TPRG1: variants seen among roughly 807,000 people sequenced by gnomAD.
TPRG1 encodes the protein tumor protein p63 regulated 1.
TPRG1 carries 29 observed loss-of-function variants against 29.3 expected under a neutral mutation model. That is an observed-to-expected ratio of 0.99 (90% CI 0.74 to 1.35). The LOEUF (loss-of-function observed/expected upper bound fraction) is 1.35. Ranked by LOEUF, TPRG1 falls within the 40% of genes most tolerant of loss-of-function variation. TPRG1 has a pLI of 0.00. For synonymous variants in TPRG1, 130 were observed against 116.8 expected (o/e 1.11, Z -0.73); for missense variants, 327 against 335.0 (o/e 0.98, Z 0.19).
At chr3:189,291,994 C>G (rs1237989449) in intron 4 of TPRG1, among the ~76,000 whole-genome samples, 1 of 152,172 alleles carries the variant, frequency 6.6e-6, no homozygotes, top group South Asian at 2.1e-4. Context: ...AGGACAGGTA[C>G]TAAAACACAA....
At chr3:189,317,641 C>G (rs577506576) in intron 5 of TPRG1, among the ~76,000 whole-genome samples, 5 of 152,214 alleles carry the variant, frequency 3.3e-5, no homozygotes, top group African/African-American at 1.2e-4. Context: ...CTTAAGACCC[C>G]TCTGCCTGAT....
intron 4 of TPRG1, among the ~76,000 whole-genome samples, chr3:189,056,101 C>CTT (rs1228231764): frequency 1.6e-5 from 2 of 121,936 alleles, no homozygotes; most frequent in Admixed American, 1.0e-4. Flanking sequence ...TCCTTCCTTC[C>CTT]CTCTTTCTTT....
rs143748424 is a variant in TPRG1 at position 189,048,772 on chromosome 3, C to T, written c.-463+24826C>T. On this transcript the variant is annotated intron_variant, in intron 4 of 10. Coordinates refer to the TPRG1 transcript ENST00000433971. ...GGACCCACAGACCCTCTGAAGGAAG[C>T]GAATGCTCCTGCAGGACCTGGGAGA... Among the ~76,000 whole-genome samples the T allele has an allele frequency of 2.2e-3, 338 of 152,272 alleles. 1 individual carries two copies. The highest frequency in any genetic ancestry group is 7.9e-3 in the African/African-American group (330 of 41,548).
intron 1 of TPRG1, among the ~76,000 whole-genome samples, chr3:189,122,032 G>A (rs1406456298): frequency 6.6e-6 from 1 of 152,026 alleles, no homozygotes; most frequent in Non-Finnish European, 1.5e-5. Flanking sequence ...CCTTAGCTGT[G>A]TGTGTGTGTT....
At chr3:189,312,170 TTTCTTTCTTTCTTTTTTTC>T (rs1560689542) in intron 5 of TPRG1, among the ~76,000 whole-genome samples, 3,424 of 77,516 alleles carry the variant, frequency 0.044, 50 homozygotes, top group Admixed American at 0.12. Flanking sequence ...TCTTTCTTTC[TTTCTTTCTTTCTTTTTTTC>T]TTTCTTTCTT....
chr3:189,258,820 A>G lies in TPRG1; in HGVS notation c.479+19911A>G, dbSNP rs1373666268. Among the ~76,000 whole-genome samples the G allele has an allele frequency of 3.3e-5, 5 of 152,074 alleles. No individual in the cohort carries two copies. The East Asian group carries it at 9.7e-4, about 29-fold the overall frequency. ...TTACACTGTGAGGGGAAAACTGCCT[A>G]CTCAAGCCTTAGTAATGGTGGACGC... is the stretch of plus-strand genomic sequence containing the variant. On this transcript the variant is annotated intron_variant, in intron 4 of 5. Coordinates refer to ENST00000345063, the MANE Select transcript of TPRG1 (RefSeq NM_198485.4).
At chr3:189,222,899 C>G (rs143867407) in intron 3 of TPRG1, among the ~76,000 whole-genome samples, 1 of 152,136 alleles carries the variant, frequency 6.6e-6, no homozygotes, top group South Asian at 2.1e-4. Flanking sequence ...GTTTTGTATG[C>G]CTCTGCCTTG....
chr3:189,245,599 A>C (rs1484634130), intron 4 of TPRG1, among the ~76,000 whole-genome samples: 1 of 152,104 alleles, frequency 6.6e-6, no homozygotes, highest in Non-Finnish European at 1.5e-5. Flanking sequence ...GATTTGTTTT[A>C]TGAAGCTCAT....
At chr3:189,164,672 G>A (rs1727926865) in intron 5 of TPRG1, among the ~76,000 whole-genome samples, 1 of 151,494 alleles carries the variant, frequency 6.6e-6, no homozygotes, top group Non-Finnish European at 1.5e-5. Context: ...CACAAAGTAT[G>A]CTGGCATCAC....
intron 1 of TPRG1, among the ~76,000 whole-genome samples, chr3:189,197,507 G>T (rs1294290025): frequency 3.9e-4 from 60 of 152,282 alleles, no homozygotes; most frequent in Non-Finnish European, 4.4e-5. Context: ...AGTCTTCAGG[G>T]TCAGGCCAGT....
At chr3:189,203,053 C>T (rs1448351934) in intron 1 of TPRG1, among the ~76,000 whole-genome samples, 1 of 152,048 alleles carries the variant, frequency 6.6e-6, no homozygotes, top group African/African-American at 2.4e-5. Context: ...TTCAGGGGGT[C>T]TGTTTCAATA....
At chr3:189,069,346 G>A (rs1044075285) in intron 4 of TPRG1, among the ~76,000 whole-genome samples, 1 of 152,166 alleles carries the variant, frequency 6.6e-6, no homozygotes, top group African/African-American at 2.4e-5. Flanking sequence ...CAGGGATAAA[G>A]GTAGGAGTGG....
intron 1 of TPRG1, among the ~76,000 whole-genome samples, chr3:189,204,601 G>GCGCAGAT (rs1175280578): frequency 9.8e-5 from 15 of 152,312 alleles, no homozygotes; most frequent in African/African-American, 3.4e-4. Flanking sequence ...AGAGCGCAGA[G>GCGCAGAT]CTTCCCCAAG....
chr3:189,073,786 T>TC (rs1716948893), intron 4 of TPRG1, among the ~76,000 whole-genome samples: 1 of 152,226 alleles, frequency 6.6e-6, no homozygotes, highest in Non-Finnish European at 1.5e-5. Flanking sequence ...TGACTTTTTT[T>TC]CTTCTTTCTC....
chr3:189,186,034 C>T (rs1321033757), intron 1 of TPRG1, among the ~76,000 whole-genome samples: 1 of 152,078 alleles, frequency 6.6e-6, no homozygotes, highest in Admixed American at 6.5e-5. Flanking sequence ...TAAATTTGAT[C>T]CTTAAGTCAT....
intron 4 of TPRG1, among the ~76,000 whole-genome samples, chr3:189,040,212 C>T (rs113398589): frequency 8.0e-4 from 122 of 152,170 alleles, no homozygotes; most frequent in Middle Eastern, 3.4e-3. Flanking sequence ...ATGAAAGAAA[C>T]GAATTTTAAT....
At chr3:189,297,291 C>A (rs890727397) in intron 4 of TPRG1, among the ~76,000 whole-genome samples, 1 of 152,066 alleles carries the variant, frequency 6.6e-6, no homozygotes. Context: ...ACTGATAAAC[C>A]CTCTTCTGCT....
chr3:189,153,003 G>A (rs1439331268), intron 5 of TPRG1, among the ~76,000 whole-genome samples: 2 of 152,200 alleles, frequency 1.3e-5, no homozygotes, highest in South Asian at 4.1e-4. Flanking sequence ...GTAGTTTCAC[G>A]TGTGTCTTAG....
intron 4 of TPRG1, among the ~76,000 whole-genome samples, chr3:189,270,194 A>G (rs1405856369): frequency 2.1e-5 from 3 of 141,496 alleles, no homozygotes; most frequent in African/African-American, 5.5e-5. Flanking sequence ...CTGAAGAGAG[A>G]AAAAAAAAAA....
Sources: allele counts gnomAD v4.1 joint callset (sites outside exome capture counted in the v4.1 genomes callset), GRCh38; gene constraint gnomAD v4.1.1; transcripts MANE v1.5; gene names NCBI Gene and HGNC (gene_info 2026-07-23, HGNC 2026-07-21).